Variants in CDK6 observed in about 807,000 individuals in gnomAD.
CDK6 encodes cyclin-dependent kinase 6.
Under a neutral mutation model 37.1 loss-of-function variants are expected in CDK6, and 6 were observed. The ratio of observed to expected loss-of-function variants is 0.16; its 90% CI spans 0.09 to 0.32. The LOEUF is 0.32. Ranked by LOEUF, CDK6 falls within the 10% of genes least tolerant of loss-of-function variation. CDK6 has a pLI of 1.00. For missense variants in CDK6, 224 were observed against 418.9 expected (o/e 0.53, Z 4.06); for synonymous variants, 160 against 161.3 (o/e 0.99, Z 0.06).
intron 7 of CDK6, 69 bp downstream of exon 7, chr7:92,618,003 C>G: frequency 6.6e-7 from 1 of 1,511,522 alleles, no homozygotes; most frequent in Non-Finnish European, 9.0e-7. Flanking sequence ...TTGTGCCCAC[C>G]ACCCAGTCTG....
intron 3 of CDK6, among the ~76,000 whole-genome samples, chr7:92,754,004 C>T (rs2115690557): frequency 6.6e-6 from 1 of 152,260 alleles, no homozygotes; most frequent in East Asian, 1.9e-4. Flanking sequence ...GGGTCTCAGA[C>T]TAGATAATGT....
intron 5 of CDK6, among the ~76,000 whole-genome samples, chr7:92,639,836 C>T (rs971747712): frequency 6.6e-6 from 1 of 152,176 alleles, no homozygotes; most frequent in Non-Finnish European, 1.5e-5. Context: ...CAGATTAATA[C>T]TGTTACTGGA....
chr7:92,779,496 G>C (rs1028247611), intron 2 of CDK6, among the ~76,000 whole-genome samples: 2 of 152,164 alleles, frequency 1.3e-5, no homozygotes, highest in African/African-American at 4.8e-5. Context: ...CAGGTTCAAG[G>C]AAATAATCCT....
intron 5 of CDK6, among the ~76,000 whole-genome samples, chr7:92,650,888 TTCTC>T (rs1001524968): frequency 5.3e-5 from 8 of 151,962 alleles, no homozygotes; most frequent in South Asian, 2.1e-4. Context: ...CCTGAGAAAA[TTCTC>T]TCTCTTTTTT....
intron 4 of CDK6, among the ~76,000 whole-genome samples, chr7:92,695,271 TAAAA>T (rs61112739): frequency 2.0e-5 from 2 of 99,618 alleles, no homozygotes; most frequent in East Asian, 2.9e-4. Context: ...GACCCTGAGG[TAAAA>T]AAAAAAAAAA....
intron 4 of CDK6, among the ~76,000 whole-genome samples, chr7:92,698,844 T>C (rs1189285493): frequency 6.6e-6 from 1 of 152,224 alleles, no homozygotes; most frequent in Non-Finnish European, 1.5e-5. Flanking sequence ...GGCCCAATGT[T>C]ATAATAGATA....
At chr7:92,715,118 C>T (rs776850127) in intron 4 of CDK6, among the ~76,000 whole-genome samples, 1 of 152,098 alleles carries the variant, frequency 6.6e-6, no homozygotes, top group Non-Finnish European at 1.5e-5. Context: ...ATTTATAAAA[C>T]ACTTCCGTAC....
intron 5 of CDK6, among the ~76,000 whole-genome samples, chr7:92,650,284 T>C (rs2116556773): frequency 6.6e-6 from 1 of 152,340 alleles, no homozygotes; most frequent in East Asian, 1.9e-4. Flanking sequence ...GTGCAGAGAA[T>C]AAAGCTCCTA....
At chr7:92,630,066 G>C (rs1355540362) in intron 5 of CDK6, among the ~76,000 whole-genome samples, 1 of 152,062 alleles carries the variant, frequency 6.6e-6, no homozygotes, top group African/African-American at 2.4e-5. Context: ...GGGCTTCAAT[G>C]TAAGAATTTT....
chr7:92,625,387 CCT>C, intron 5 of CDK6, among the ~76,000 whole-genome samples: 1 of 152,000 alleles, frequency 6.6e-6, no homozygotes, highest in African/African-American at 2.4e-5. Flanking sequence ...AACAGTCTTT[CCT>C]CTGGGGTCAC....
intron 4 of CDK6, among the ~76,000 whole-genome samples, chr7:92,703,489 C>T (rs1471771083): frequency 6.6e-6 from 1 of 152,084 alleles, no homozygotes; most frequent in African/African-American, 2.4e-5. Context: ...TTTCAAATGA[C>T]CTCATTAATC....
chr7:92,811,339 C>A (rs892680533), intron 2 of CDK6, among the ~76,000 whole-genome samples: 3 of 152,048 alleles, frequency 2.0e-5, no homozygotes, highest in African/African-American at 7.2e-5. Flanking sequence ...AGGCAAACAT[C>A]GTTTTAGTCC....
chr7:92,804,614 T>A (rs1031379633), intron 2 of CDK6, among the ~76,000 whole-genome samples: 4 of 152,204 alleles, frequency 2.6e-5, no homozygotes, highest in African/African-American at 7.2e-5. Context: ...GACTTATGTG[T>A]TTTTTCCAAT....
chr7:92,747,546 A>C (rs192668736), intron 3 of CDK6, among the ~76,000 whole-genome samples: 25 of 152,338 alleles, frequency 1.6e-4, no homozygotes, highest in Admixed American at 1.4e-3. Flanking sequence ...GAAACCAGCA[A>C]ATCTTGAGCA....
intron 5 of CDK6, among the ~76,000 whole-genome samples, chr7:92,634,299 G>C (rs969463447): frequency 1.3e-5 from 2 of 152,044 alleles, no homozygotes; most frequent in Non-Finnish European, 2.9e-5. Flanking sequence ...ATGCCGTTCT[G>C]TCCTCCCAGA....
At chr7:92,734,011 TTA>T (rs1425492081) in intron 3 of CDK6, among the ~76,000 whole-genome samples, 2 of 152,190 alleles carry the variant, frequency 1.3e-5, no homozygotes, top group Non-Finnish European at 2.9e-5. Flanking sequence ...TTGGATATTC[TTA>T]TATGTTATGA....
intron 3 of CDK6, among the ~76,000 whole-genome samples, chr7:92,728,919 T>C (rs1401270444): frequency 1.3e-5 from 2 of 152,168 alleles, no homozygotes; most frequent in African/African-American, 4.8e-5. Context: ...AGTTAGGTTG[T>C]TGGGCATTGT....
At chr7:92,649,513 T>C (rs1796525553) in intron 5 of CDK6, among the ~76,000 whole-genome samples, 1 of 152,186 alleles carries the variant, frequency 6.6e-6, no homozygotes, top group Admixed American at 6.5e-5. Context: ...CCCAATTTCA[T>C]GAATATTTTC....
chr7:92,830,259 G>C (rs773705464), intron 2 of CDK6, among the ~76,000 whole-genome samples: 15 of 152,198 alleles, frequency 9.9e-5, no homozygotes, highest in Non-Finnish European at 8.8e-5. Context: ...CATTATCCCT[G>C]TGCATGCAGG....
Sources: allele counts gnomAD v4.1 joint callset (sites outside exome capture counted in the v4.1 genomes callset), GRCh38; gene constraint gnomAD v4.1.1; transcripts MANE v1.5; gene names NCBI Gene and HGNC (gene_info 2026-07-23, HGNC 2026-07-21).